Variants in CABIN1 observed in about 807,000 individuals in gnomAD.
CABIN1 encodes calcineurin binding protein 1, also known as calcineurin-binding protein cabin-1.
A neutral mutation model predicts 227.7 loss-of-function variants in CABIN1; 133 were observed. That is an observed-to-expected ratio of 0.58 (90% CI 0.51 to 0.67). The LOEUF (loss-of-function observed/expected upper bound fraction) is 0.67. CABIN1 is among the 30% of genes least tolerant of loss of function. The pLI is 0.00. For missense variants in CABIN1, 2,408 were observed against 2,852.5 expected, an observed-to-expected ratio of 0.84 and a Z score of 3.55; for synonymous variants, 1,086 against 1,155.1, an observed-to-expected ratio of 0.94 and a Z score of 1.21.
chr22:24,095,438 C>A (rs1215050533), intron 24 of CABIN1, among the ~76,000 whole-genome samples: 1 of 148,834 alleles, frequency 6.7e-6, no homozygotes, highest in Non-Finnish European at 1.5e-5. Context: ...CCCCCCACCA[C>A]ACCCACGGGG....
At chr22:24,076,037 G>A (rs1054336532) in intron 18 of CABIN1, 132 bp from the exon 19 acceptor site, 23 of 622,076 alleles carry the variant, frequency 3.7e-5, no homozygotes, top group Admixed American at 8.6e-5. Flanking sequence ...AAAAAAAAAA[G>A]GGAAAGGAAA....
chr22:24,131,838 G>A (rs2044092782), intron 28 of CABIN1, among the ~76,000 whole-genome samples: 1 of 152,144 alleles, frequency 6.6e-6, no homozygotes, highest in South Asian at 2.1e-4. Context: ...GGCCAAGGCG[G>A]GCAGATCACT....
chr22:24,099,737 G>T (rs936070130), intron 26 of CABIN1, among the ~76,000 whole-genome samples: 1 of 152,236 alleles, frequency 6.6e-6, no homozygotes, highest in East Asian at 1.9e-4. Flanking sequence ...TTCAGGAGAG[G>T]AATGCCTTTC....
chr22:24,173,932 T>C (rs1441596755), intron 34 of CABIN1, among the ~76,000 whole-genome samples: 1 of 152,080 alleles, frequency 6.6e-6, no homozygotes, highest in Non-Finnish European at 1.5e-5. Flanking sequence ...AAGATGAAGA[T>C]AATAGCACTG....
At chr22:24,152,400 C>T (rs1443228033) in intron 29 of CABIN1, among the ~76,000 whole-genome samples, 2 of 152,156 alleles carry the variant, frequency 1.3e-5, no homozygotes, top group South Asian at 2.1e-4. Flanking sequence ...GGAGGAGAAA[C>T]GCACTTCACT....
intron 8 of CABIN1, 37 bp downstream of exon 8, chr22:24,051,011 C>T (rs1457463164): frequency 6.2e-7 from 1 of 1,613,174 alleles, no homozygotes; most frequent in Non-Finnish European, 8.5e-7. Context: ...GCTGGGTCGG[C>T]CAGTAGGCCC....
chr22:24,030,760 C>T (rs1014458129), intron 1 of CABIN1, among the ~76,000 whole-genome samples: 1 of 152,052 alleles, frequency 6.6e-6, no homozygotes, highest in Admixed American at 6.6e-5. Flanking sequence ...GGGACTCAGA[C>T]AGCATATGGG....
intron 26 of CABIN1, among the ~76,000 whole-genome samples, chr22:24,104,490 G>T (rs759745521): frequency 6.6e-6 from 1 of 152,184 alleles, no homozygotes; most frequent in East Asian, 1.9e-4. Context: ...GCCAGGCTTC[G>T]AGGTGCCTGG....
At chr22:24,045,115 A>T (rs531545842) in intron 6 of CABIN1, among the ~76,000 whole-genome samples, 1 of 152,114 alleles carries the variant, frequency 6.6e-6, no homozygotes, top group Non-Finnish European at 1.5e-5. Context: ...TAGTAGAGAC[A>T]GGGTTTCACC....
chr22:24,144,615 C>T (rs1826531184), intron 29 of CABIN1, among the ~76,000 whole-genome samples: 1 of 152,244 alleles, frequency 6.6e-6, no homozygotes, highest in South Asian at 2.1e-4. Flanking sequence ...TGCACTGGCC[C>T]CAATTTGTAG....
In CABIN1 at chr22:24,176,172, C is replaced by T; in HGVS notation, c.6102C>T (p.His2034=). 6.2e-7 allele frequency: 1 copy of T among 1,611,190 alleles called. No homozygotes were observed. Among genetic ancestry groups the T allele is most frequent in the Non-Finnish European group, 8.5e-7 (1 of 1,179,270 alleles). ...GCTTCCCGCCTCAGGAGCCACGGCACAGTCCGCAGGTGAAGATGGCCCCCA... is the reference window on the plus strand; with the variant it reads ...GCTTCCCGCCTCAGGAGCCACGGCATAGTCCGCAGGTGAAGATGGCCCCCA... The part of the protein sequence containing the change: ...GTSFPPQEPR[H]SPQVKMAPTS... The change falls in exon 35 of 37, where the codon CAC becomes CAT. Residue 2034 remains histidine (H), a synonymous_variant. Transcript: ENST00000263119.
intron 1 of CABIN1, among the ~76,000 whole-genome samples, chr22:24,023,896 C>T (rs1601657945): frequency 1.3e-5 from 2 of 152,118 alleles, no homozygotes; most frequent in East Asian, 1.9e-4. Context: ...CCATGCCCAG[C>T]TAATTTTTTT....
chr22:24,118,633 G>C (rs2267057), intron 27 of CABIN1, among the ~76,000 whole-genome samples: 18,513 of 152,210 alleles, frequency 0.12, 1,345 homozygotes, highest in East Asian at 0.3. Context: ...TTGCTCCCCA[G>C]CCCTTTCCAT....
At chr22:24,164,059 G>T (rs2046307251) in intron 29 of CABIN1, among the ~76,000 whole-genome samples, 2 of 152,236 alleles carry the variant, frequency 1.3e-5, no homozygotes, top group South Asian at 2.1e-4. Context: ...GTGCAGGGAG[G>T]TGTACACACT....
At chr22:24,154,357 C>T (rs1325862995) in intron 29 of CABIN1, among the ~76,000 whole-genome samples, 1 of 152,120 alleles carries the variant, frequency 6.6e-6, no homozygotes, top group Non-Finnish European at 1.5e-5. Flanking sequence ...GGGGACAGGT[C>T]CCAGCCATAG....
chr22:24,160,049 GGTGGGCGAGTCTGGCCCC>G (rs1569300133), intron 29 of CABIN1, among the ~76,000 whole-genome samples: 1 of 152,196 alleles, frequency 6.6e-6, no homozygotes, highest in African/African-American at 2.4e-5. Context: ...AGAGACTTGA[GGTGGGCGAGTCTGGCCCC>G]TGGGTCCTGT....
intron 1 of CABIN1, among the ~76,000 whole-genome samples, chr22:24,030,091 G>A (rs2036389387): frequency 6.6e-6 from 1 of 152,166 alleles, no homozygotes; most frequent in Non-Finnish European, 1.5e-5. Context: ...TTTGTTTTCT[G>A]CTTTATGGAG....
intron 28 of CABIN1, 100 bp from the exon 29 acceptor site, chr22:24,134,202 G>A (rs2044247944): frequency 2.6e-6 from 2 of 769,016 alleles, no homozygotes; most frequent in African/African-American, 3.4e-5. Context: ...TGCTCATCGT[G>A]GTTTGCCATG....
At chr22:24,077,384 G>A (rs1322398834) in intron 19 of CABIN1, among the ~76,000 whole-genome samples, 1 of 152,206 alleles carries the variant, frequency 6.6e-6, no homozygotes, top group Non-Finnish European at 1.5e-5. Flanking sequence ...TGGGTTAAAG[G>A]AGAGTATGCA....
Sources: gnomAD v4.1 joint callset for allele counts (sites outside exome capture counted in the v4.1 genomes callset) on GRCh38, gnomAD v4.1.1 for gene constraint, MANE v1.5 for transcripts, NCBI Gene and HGNC (gene_info 2026-07-23, HGNC 2026-07-21) for gene names.